Variants in KCNJ6 observed in about 807,000 individuals in gnomAD.
The protein encoded by KCNJ6 is G protein-activated inward rectifier potassium channel 2.
A neutral mutation model predicts 34.2 loss-of-function variants in KCNJ6; 9 were observed. The ratio of observed to expected loss-of-function variants is 0.26; its 90% CI spans 0.16 to 0.46. KCNJ6 has a LOEUF of 0.46. KCNJ6 is among the 20% of genes least tolerant of loss of function. KCNJ6 has a pLI of 1.00. For missense variants in KCNJ6, 236 were observed against 531.3 expected (o/e 0.44, Z 5.46); for synonymous variants, 196 against 207.1 (o/e 0.95, Z 0.46).
chr21:37,764,527 C>T (rs544156532), intron 2 of KCNJ6, among the ~76,000 whole-genome samples: 99 of 152,108 alleles, frequency 6.5e-4, no homozygotes, highest in Middle Eastern at 6.8e-3. Flanking sequence ...TACAGGCGTG[C>T]GCCACCATGC....
intron 2 of KCNJ6, among the ~76,000 whole-genome samples, chr21:37,829,723 G>A (rs552450915): frequency 6.6e-6 from 1 of 152,346 alleles, no homozygotes; most frequent in South Asian, 2.1e-4. Flanking sequence ...GAAGGCCAAA[G>A]TCCCTGTGAA....
intron 1 of KCNJ6, among the ~76,000 whole-genome samples, chr21:37,909,435 A>G (rs959347201): frequency 6.6e-6 from 1 of 150,622 alleles, no homozygotes; most frequent in South Asian, 2.1e-4. Context: ...GTGTGATCTC[A>G]GCTCACTGCA....
At chr21:37,641,970 A>G (rs2054382911) in intron 3 of KCNJ6, among the ~76,000 whole-genome samples, 1 of 152,236 alleles carries the variant, frequency 6.6e-6, no homozygotes, top group Non-Finnish European at 1.5e-5. Context: ...AAGAGCCGAG[A>G]AGGACACCCA....
chr21:37,744,150 C>T lies in KCNJ6; in HGVS notation c.26-29019G>A, dbSNP rs373009565. ...ACACAGGAAGAGGAACATCACACAC[C>T]GGGGACTGTTGTGGGGTGGGGGGAG... On this transcript the variant is annotated intron_variant, in intron 2 of 3. Transcript: ENST00000609713. 3.4e-4 allele frequency among the ~76,000 whole-genome samples: 35 copies of T among 103,910 alleles called. No individual in the cohort carries two copies. In the East Asian group the frequency reaches 8.7e-3, roughly 26 times the overall value. 68.2% of individuals were successfully genotyped at this position (103,910 alleles called of 152,430 possible).
At chr21:37,646,303 C>A (rs2054404100) in intron 3 of KCNJ6, among the ~76,000 whole-genome samples, 1 of 152,120 alleles carries the variant, frequency 6.6e-6, no homozygotes, top group South Asian at 2.1e-4. Flanking sequence ...ACGCTACATC[C>A]CTTGGCTCAC....
chr21:37,874,719 T>C (rs1282388917), intron 1 of KCNJ6, among the ~76,000 whole-genome samples: 2 of 152,204 alleles, frequency 1.3e-5, no homozygotes, highest in African/African-American at 4.8e-5. Context: ...AGGGTGACAA[T>C]GCCTTCTTCC....
chr21:37,861,859 C>T (rs1037288300), intron 1 of KCNJ6, among the ~76,000 whole-genome samples: 1 of 152,214 alleles, frequency 6.6e-6, no homozygotes, highest in Non-Finnish European at 1.5e-5. Flanking sequence ...AGGGGACCAT[C>T]AGCCTCACTG....
rs192245444 is a variant in KCNJ6 at position 37,697,859 on chromosome 21, G to T, written c.946+16352C>A. Among the ~76,000 whole-genome samples, 1,007 of 152,298 alleles carry T rather than the reference G, an allele frequency of 6.6e-3. 13 individuals carry two copies. The highest frequency in any genetic ancestry group is 0.023 in the African/African-American group (969 of 41,560). ...TACACTCAGTCTCCTAGGCAAATAG[G>T]GGTGGGAGAGAGAGGAGTTTGCACA... On this transcript the variant is annotated intron_variant, in intron 3 of 3. Transcript: ENST00000609713.
At chr21:37,906,190 A>C (rs2055840587) in intron 1 of KCNJ6, among the ~76,000 whole-genome samples, 2 of 152,232 alleles carry the variant, frequency 1.3e-5, no homozygotes, top group Admixed American at 6.5e-5. Flanking sequence ...TTGTGCTCAT[A>C]ATCTTTGCAA....
chr21:37,774,975 A>G (rs2123506722), intron 2 of KCNJ6, among the ~76,000 whole-genome samples: 1 of 152,266 alleles, frequency 6.6e-6, no homozygotes, highest in South Asian at 2.1e-4. Flanking sequence ...AACAGTGTAA[A>G]AGTGTTCCTA....
intron 3 of KCNJ6, among the ~76,000 whole-genome samples, chr21:37,713,768 C>G (rs1327349959): frequency 1.3e-5 from 2 of 152,176 alleles, no homozygotes; most frequent in Non-Finnish European, 2.9e-5. Flanking sequence ...TTATAAATGA[C>G]TCTCAAAGAA....
intron 2 of KCNJ6, among the ~76,000 whole-genome samples, chr21:37,756,862 G>T (rs2055030552): frequency 6.8e-6 from 1 of 146,634 alleles, no homozygotes; most frequent in African/African-American, 2.5e-5. Flanking sequence ...CTCTCTCACA[G>T]TGTGATGATT....
intron 1 of KCNJ6, among the ~76,000 whole-genome samples, chr21:37,864,067 G>A (rs894245955): frequency 2.0e-5 from 3 of 151,510 alleles, no homozygotes; most frequent in Admixed American, 6.6e-5. Flanking sequence ...AACAGCTGAC[G>A]CTTGACAGAG....
intron 2 of KCNJ6, among the ~76,000 whole-genome samples, chr21:37,809,188 T>A (rs1259601463): frequency 6.6e-6 from 1 of 152,160 alleles, no homozygotes; most frequent in East Asian, 1.9e-4. Context: ...TGGAATACTA[T>A]GCAGCCATAA....
At chr21:37,797,279 G>A (rs889100531) in intron 2 of KCNJ6, among the ~76,000 whole-genome samples, 2 of 152,014 alleles carry the variant, frequency 1.3e-5, no homozygotes, top group Non-Finnish European at 2.9e-5. Context: ...TCCAACTCCT[G>A]ACCTCAAGTG....
intron 3 of KCNJ6, among the ~76,000 whole-genome samples, chr21:37,660,517 A>G (rs2054483285): frequency 6.6e-6 from 1 of 152,110 alleles, no homozygotes; most frequent in Non-Finnish European, 1.5e-5. Flanking sequence ...TCCTTTAATG[A>G]CCTTGCCCCT....
chr21:37,766,709 G>C (rs2055093110), intron 2 of KCNJ6, among the ~76,000 whole-genome samples: 1 of 152,106 alleles, frequency 6.6e-6, no homozygotes, highest in Non-Finnish European at 1.5e-5. Context: ...TCTAGACCAG[G>C]GGTCCCCAAA....
At chr21:37,710,349 G>A (rs2054745037) in intron 3 of KCNJ6, among the ~76,000 whole-genome samples, 1 of 152,216 alleles carries the variant, frequency 6.6e-6, no homozygotes, top group South Asian at 2.1e-4. Context: ...TGAGGATGAT[G>A]TGATTCTGGT....
chr21:37,692,057 C>A (rs1348643616), intron 3 of KCNJ6, among the ~76,000 whole-genome samples: 1 of 152,052 alleles, frequency 6.6e-6, no homozygotes, highest in South Asian at 2.1e-4. Context: ...TATGTGTGTC[C>A]ATTTCCATGG....
Sources: allele counts gnomAD v4.1 joint callset (sites outside exome capture counted in the v4.1 genomes callset), GRCh38; gene constraint gnomAD v4.1.1; transcripts MANE v1.5; gene names NCBI Gene and HGNC (gene_info 2026-07-23, HGNC 2026-07-21).